TTC6: variants seen among roughly 807,000 people sequenced by gnomAD.
TTC6 encodes the protein tetratricopeptide repeat domain 6.
TTC6 carries 172 observed loss-of-function variants against 210.4 expected under a neutral mutation model. The ratio of observed to expected loss-of-function variants is 0.82; its 90% CI spans 0.72 to 0.93. The LOEUF (loss-of-function observed/expected upper bound fraction) is 0.93, where lower values mean the gene tolerates loss of function less well. TTC6 is among the 40% of genes least tolerant of loss of function. TTC6 has a pLI of 0.00. For missense variants in TTC6, 2,414 were observed against 2,318.1 expected (o/e 1.04, Z -0.85); for synonymous variants, 804 against 819.6 (o/e 0.98, Z 0.32).
intron 29 of TTC6, among the ~76,000 whole-genome samples, chr14:37,835,101 T>G (rs1003069165): frequency 2.6e-5 from 4 of 152,176 alleles, no homozygotes; most frequent in African/African-American, 9.7e-5. Flanking sequence ...TGGTTTTTCC[T>G]GGGCGGCCAG....
intron 1 of TTC6, among the ~76,000 whole-genome samples, chr14:37,679,391 C>T (rs1271048344): frequency 6.6e-6 from 1 of 152,102 alleles, no homozygotes; most frequent in Non-Finnish European, 1.5e-5. Flanking sequence ...AGTGTACTAT[C>T]TTCTTGCCAT....
At chr14:37,600,747 G>T (rs2095614186) in intron 1 of TTC6, among the ~76,000 whole-genome samples, 1 of 152,124 alleles carries the variant, frequency 6.6e-6, no homozygotes, top group African/African-American at 2.4e-5. Flanking sequence ...TAATTTACTG[G>T]CATGCCTAGA....
intron 26 of TTC6, among the ~76,000 whole-genome samples, chr14:37,821,316 G>C: frequency 6.6e-6 from 1 of 152,050 alleles, no homozygotes; most frequent in Non-Finnish European, 1.5e-5. Flanking sequence ...TGATCCACCT[G>C]TCCTGGCCTC....
At chr14:37,807,333 G>A (rs776286119) in exon 23 of TTC6, 11 of 1,527,086 alleles carry the variant, frequency 7.2e-6, no homozygotes, top group African/African-American at 6.9e-5. Flanking sequence ...TATTTAAGCC[G>A]AGTAGCATTC....
At chr14:37,720,787 T>A (rs181537203) in intron 6 of TTC6, among the ~76,000 whole-genome samples, 1 of 152,076 alleles carries the variant, frequency 6.6e-6, no homozygotes, top group Non-Finnish European at 1.5e-5. Flanking sequence ...AATGACAAAA[T>A]TATACAAATA....
At position 37,662,679 on chromosome 14, in the gene TTC6, G is replaced by A. The variant is rs570282344; in HGVS notation, c.940-17472G>A. On this transcript the variant is annotated intron_variant, in intron 1 of 30. Transcript: ENST00000553443. ...TTGAATAGGGAGTCCTTTCCCCATC[G>A]CTTCTTGTTGTTAGCTTTGTTGAAG... Among the ~76,000 whole-genome samples the A allele has an allele frequency of 1.1e-4, 17 of 152,220 alleles. No individual in the cohort carries two copies. The South Asian group carries it at 1.4e-3, about 13-fold the overall frequency.
At chr14:37,697,735 C>G (rs1379689184) in intron 4 of TTC6, among the ~76,000 whole-genome samples, 2 of 152,104 alleles carry the variant, frequency 1.3e-5, no homozygotes, top group Non-Finnish European at 2.9e-5. Flanking sequence ...GCTTTAAGCT[C>G]ATTTAGTTAG....
At chr14:37,804,594 C>A in intron 20 of TTC6, 86 bp from the exon 23 acceptor site, 2 of 1,506,936 alleles carry the variant, frequency 1.3e-6, no homozygotes, top group Non-Finnish European at 8.9e-7. Context: ...GTGCTCTGTG[C>A]TCCTTTTAAC....
At chr14:37,834,582 T>A (rs1162326373) in intron 29 of TTC6, among the ~76,000 whole-genome samples, 1 of 151,998 alleles carries the variant, frequency 6.6e-6, no homozygotes, top group Non-Finnish European at 1.5e-5. Context: ...AATCATGAAG[T>A]TTTTTTTATT....
At chr14:37,726,611 T>C (rs1039901354) in intron 7 of TTC6, among the ~76,000 whole-genome samples, 7 of 152,134 alleles carry the variant, frequency 4.6e-5, no homozygotes, top group African/African-American at 1.7e-4. Flanking sequence ...AGCTCTTCTT[T>C]ATAAGGTTAA....
At chr14:37,794,647 A>G (rs1054046422) in intron 17 of TTC6, among the ~76,000 whole-genome samples, 1 of 151,484 alleles carries the variant, frequency 6.6e-6, no homozygotes, top group Middle Eastern at 3.2e-3. Context: ...TCATTTACTT[A>G]ATTTTTGTGC....
intron 4 of TTC6, among the ~76,000 whole-genome samples, chr14:37,698,366 A>T (rs544686947): frequency 6.6e-6 from 1 of 152,276 alleles, no homozygotes; most frequent in South Asian, 2.1e-4. Context: ...GGGAATTCAG[A>T]TTGGTTGTGA....
intron 26 of TTC6, among the ~76,000 whole-genome samples, chr14:37,822,727 G>A (rs554620983): frequency 6.6e-6 from 1 of 152,138 alleles, no homozygotes; most frequent in South Asian, 2.1e-4. Flanking sequence ...GGTGTAGAAT[G>A]TGTGGTAGAG....
intron 3 of TTC6, among the ~76,000 whole-genome samples, chr14:37,692,208 CAAAAAA>C (rs3062759): frequency 4.2e-3 from 167 of 40,164 alleles, no homozygotes; most frequent in Non-Finnish European, 4.8e-3. Flanking sequence ...AAAGACACAC[CAAAAAA>C]AAAAAAAAAA....
intron 13 of TTC6, 37 bp from the exon 16 acceptor site, chr14:37,753,061 AT>A: frequency 6.9e-7 from 1 of 1,459,520 alleles, no homozygotes; most frequent in South Asian, 1.3e-5. Flanking sequence ...ATTTTTTTTC[AT>A]TTTGTGATGT....
At chr14:37,738,754 A>G (rs1456222199) in intron 9 of TTC6, 22 bp from the exon 12 acceptor site, 13 of 1,424,942 alleles carry the variant, frequency 9.1e-6, no homozygotes, top group African/African-American at 1.4e-5. Context: ...CGTTTTTTCT[A>G]CCTCTTTGCT....
chr14:37,731,426 G>A (rs773002530), intron 7 of TTC6, among the ~76,000 whole-genome samples: 4 of 152,078 alleles, frequency 2.6e-5, no homozygotes, highest in Non-Finnish European at 5.9e-5. Flanking sequence ...TGAAAAACAC[G>A]ACACTAAATA....
intron 1 of TTC6, among the ~76,000 whole-genome samples, chr14:37,636,346 A>C (rs191738144): frequency 5.3e-5 from 8 of 152,306 alleles, no homozygotes; most frequent in African/African-American, 1.9e-4. Context: ...CGTGGATCAT[A>C]TACTAAGATG....
chr14:37,712,279 A>G lies in TTC6; in HGVS notation c.1572-2376A>G, dbSNP rs550282137. Reference sequence around the variant, plus strand: ...CTGTTTCTGGCATAGAGCCAGAGAAAAGTAGAGCAGTGCTTCTAGATAACT... The same window carrying G: ...CTGTTTCTGGCATAGAGCCAGAGAAGAGTAGAGCAGTGCTTCTAGATAACT... On this transcript the variant is annotated intron_variant, in intron 5 of 30. Transcript: ENST00000553443. Among the ~76,000 whole-genome samples the G allele has an allele frequency of 2.6e-5, 4 of 152,308 alleles. No individual in the cohort carries two copies. In the South Asian group the frequency reaches 6.2e-4, roughly 24 times the overall value.
Sources: allele counts gnomAD v4.1 joint callset (sites outside exome capture counted in the v4.1 genomes callset), GRCh38; gene constraint gnomAD v4.1.1; transcripts MANE v1.5; gene names NCBI Gene and HGNC (gene_info 2026-07-23, HGNC 2026-07-21).